CPSF3: variants seen among roughly 807,000 people sequenced by gnomAD.
CPSF3 encodes cleavage and polyadenylation specific factor 3.
A neutral mutation model predicts 84.1 loss-of-function variants in CPSF3; 57 were observed. That is an observed-to-expected ratio of 0.68 (90% CI 0.55 to 0.85). CPSF3 has a LOEUF of 0.85. Among genes scored for constraint, CPSF3 ranks in the 40% least tolerant of loss-of-function variants. The probability of loss-of-function intolerance (pLI) is 0.00; values close to 1 mark genes in which losing one functional copy is unlikely to be tolerated. For missense variants in CPSF3, 522 were observed against 838.8 expected (o/e 0.62, Z 4.66); for synonymous variants, 275 against 278.1 (o/e 0.99, Z 0.11).
chr2:9,436,346 CT>C lies in CPSF3; in HGVS notation c.746del (p.Leu249ArgfsTer3). 1 of 1,608,584 alleles carries C rather than the reference CT, an allele frequency of 6.2e-7. No homozygotes were observed. The highest frequency in any genetic ancestry group is 8.5e-7 in the Non-Finnish European group (1 of 1,178,376). ...CTTTGCTCTTGGAAGGGCTCAGGAG[CT>C]GCTCTTGATTCTAGGTATGCCATTT... ...PVFALGRAQE[L>X]LLILDEYWQN... On this transcript the variant is annotated frameshift_variant, in exon 7 of 18. Transcript: ENST00000238112. LOFTEE classifies it high-confidence loss of function.
At chr2:9,440,465 G>C (rs758971333) in intron 7 of CPSF3, 26 bp from the exon 8 acceptor site, 7 of 1,596,048 alleles carry the variant, frequency 4.4e-6, no homozygotes, top group African/African-American at 1.3e-5. Context: ...ACAAAGTGAT[G>C]TTTGTTTCTT....
At position 9,471,424 on chromosome 2, in the gene CPSF3, T is replaced by C; in HGVS notation, c.1938T>C (p.Leu646=). ...CAGTGGACGGGAAAACTGCCAACCT[T>C]AACTTGGAGACACGGGTATGTAGCT... The part of the protein sequence containing the change: ...SVTVDGKTAN[L]NLETRTVECE... Residue 646 remains leucine (L), a synonymous_variant, in exon 17 of 18, where the codon CTT becomes CTC. Coordinates refer to ENST00000238112, the MANE Select transcript of CPSF3 (RefSeq NM_016207.4). The C allele has an allele frequency of 6.2e-7, 1 of 1,604,010 alleles. No homozygotes were observed. Among genetic ancestry groups the C allele is most frequent in the Non-Finnish European group, 8.5e-7 (1 of 1,170,836 alleles).
In CPSF3 at chr2:9,453,021, A is replaced by G. The variant is rs766236414; in HGVS notation, c.1504A>G (p.Asn502Asp). 1 of 1,562,610 alleles carries G rather than the reference A, an allele frequency of 6.4e-7. No homozygotes were observed. The highest frequency in any genetic ancestry group is 8.7e-7 in the Non-Finnish European group (1 of 1,145,150). The change falls in exon 12 of 18, where the codon AAT becomes GAT. Residue 502 changes from asparagine (N) to aspartate (D), a missense_variant and splice_region_variant. Physicochemically the swap from Asn to Asp is conservative, Grantham distance 23 (BLOSUM62 1). Around this residue, in one of 2 missense-constraint regions of CPSF3, gnomAD observed 193 missense variants for 231.6 expected, o/e 0.83. Coordinates refer to ENST00000238112, the MANE Select transcript of CPSF3 (RefSeq NM_016207.4). ...CATACTTTCTCCTTGCGACCTGTCCAGTAAGTATACTATTAAATGTCAAAT... is the reference window on the plus strand; with the variant it reads ...CATACTTTCTCCTTGCGACCTGTCCGGTAAGTATACTATTAAATGTCAAAT... ...YHILSPCDLS[N>D]YTDLAMSTVK...
chr2:9,465,047 A>G (rs183084987), intron 15 of CPSF3, among the ~76,000 whole-genome samples: 37 of 152,312 alleles, frequency 2.4e-4, no homozygotes, highest in South Asian at 1.7e-3. Context: ...CACGAATTAA[A>G]AAGAATTAGA....
intron 7 of CPSF3, among the ~76,000 whole-genome samples, chr2:9,438,956 T>G (rs1480952095): frequency 6.6e-6 from 1 of 152,156 alleles, no homozygotes; most frequent in Non-Finnish European, 1.5e-5. Context: ...GGCAAATTAT[T>G]TAACTTTTTT....
At position 9,439,472 on chromosome 2, in the gene CPSF3, CA is replaced by C. The variant is rs34127364; in HGVS notation, c.761-1003del. Among the ~76,000 whole-genome samples the C allele has an allele frequency of 2.9e-3, 307 of 104,170 alleles. 1 individual carries two copies. The highest frequency in any genetic ancestry group is 4.7e-3 in the Middle Eastern group (1 of 212). The allele number at this position is 104,170 out of a possible 152,430, so 68.3% of individuals were successfully genotyped here. On this transcript the variant is annotated intron_variant, in intron 7 of 17. Transcript: ENST00000238112. ...TGGGCGACAGAGTGAGACTCCATCTCAAAAAAAAAAAAAAAAGAAATTACAG... is the reference window on the plus strand; with the variant it reads ...TGGGCGACAGAGTGAGACTCCATCTCAAAAAAAAAAAAAAAGAAATTACAG...
At position 9,440,739 on chromosome 2, in the gene CPSF3, G is replaced by A. The variant is rs141284047; in HGVS notation, c.936+73G>A. ...CATTAGTAGTAGGAGGTACGAGGCC[G>A]TGAGTGATGGCTCACAGCTGTAATT... On this transcript the variant is annotated intron_variant, in intron 8 of 17. Coordinates refer to ENST00000238112, the MANE Select transcript of CPSF3 (RefSeq NM_016207.4). The A allele has an allele frequency of 1.6e-4, 232 of 1,435,072 alleles. 1 individual carries two copies. In the African/African-American group the frequency reaches 2.4e-3, roughly 15 times the overall value. 88.9% of individuals were successfully genotyped at this position (1,435,072 alleles called of 1,614,324 possible).
At chr2:9,432,835 C>T (rs752882559) in intron 5 of CPSF3, 147 bp downstream of exon 5, 78 of 587,532 alleles carry the variant, frequency 1.3e-4, no homozygotes, top group Non-Finnish European at 2.0e-4. Context: ...AACGCTTGTT[C>T]CTTTTAAATA....
At chr2:9,468,526 C>T (rs1682048849) in intron 16 of CPSF3, among the ~76,000 whole-genome samples, 3 of 151,640 alleles carry the variant, frequency 2.0e-5, no homozygotes, top group Admixed American at 2.0e-4. Context: ...CCCCATGAAA[C>T]GGTTTAACAA....
chr2:9,432,361 A>C (rs963445233), intron 4 of CPSF3, 150 bp from the exon 5 acceptor site: 1 of 562,802 alleles, frequency 1.8e-6, no homozygotes, highest in Non-Finnish European at 2.7e-6. Flanking sequence ...AAAATACACA[A>C]AATATCTGAG....
chr2:9,468,912 CCCCGTG>C (rs1214066212), intron 16 of CPSF3, among the ~76,000 whole-genome samples: 1 of 152,094 alleles, frequency 6.6e-6, no homozygotes, highest in South Asian at 2.1e-4. Flanking sequence ...AGGTGTGAAC[CCCCGTG>C]CCCGGCCCAC....
In CPSF3 at chr2:9,448,229, C is replaced by A; in HGVS notation, c.1274C>A (p.Ala425Asp). Residue 425 changes from alanine to aspartate, a missense_variant, in exon 11 of 18, where the codon GCC becomes GAC. Ala to Asp is a moderately radical substitution (Grantham distance 126, BLOSUM62 -2). Coordinates refer to ENST00000238112, the MANE Select transcript of CPSF3 (RefSeq NM_016207.4). Reference sequence around the variant, plus strand: ...GTCCATGGAGAACAGAATGAAATGGCCAGATTGAAAGCAGCACTGATTCGA... The same window carrying A: ...GTCCATGGAGAACAGAATGAAATGGACAGATTGAAAGCAGCACTGATTCGA... ...ILVHGEQNEM[A>D]RLKAALIREY... 1 of 1,608,464 alleles carries A rather than the reference C, an allele frequency of 6.2e-7. No homozygotes were observed. Among genetic ancestry groups the A allele is most frequent in the Non-Finnish European group, 8.5e-7 (1 of 1,175,990 alleles).
At chr2:9,450,580 G>C (rs1301837514) in intron 11 of CPSF3, among the ~76,000 whole-genome samples, 1 of 151,968 alleles carries the variant, frequency 6.6e-6, no homozygotes, top group Non-Finnish European at 1.5e-5. Flanking sequence ...CTGAGATCAG[G>C]AGTTCGAGAC....
At chr2:9,432,248 T>C (rs548184255) in intron 4 of CPSF3, among the ~76,000 whole-genome samples, 85 of 152,332 alleles carry the variant, frequency 5.6e-4, no homozygotes, top group African/African-American at 2.0e-3. Context: ...ATTTATTGTA[T>C]GTATTATTGA....
Position 9,455,661 on chromosome 2 carries a change from T to C in CPSF3, c.1507T>C (p.Tyr503His), listed in dbSNP as rs766405400. ...GTCTCTTCTCATTTTCTCTTCAGAT[T>C]ATACTGACCTGGCCATGAGCACGGT... The part of the protein sequence containing the change: ...HILSPCDLSN[Y>H]TDLAMSTVKQ... Residue 503 changes from tyrosine (Y) to histidine (H), a missense_variant and splice_region_variant, in exon 13 of 18, where the codon TAT (tyrosine) becomes CAT (histidine). Physicochemically the swap from Tyr to His is moderately conservative, Grantham distance 83. Transcript: ENST00000238112. 1.9e-6 allele frequency: 3 copies of C among 1,611,252 alleles called. No individual in the cohort carries two copies. In the Admixed American group the frequency reaches 5.0e-5, roughly 27 times the overall value.
chr2:9,423,726 A>T lies in CPSF3; in HGVS notation c.-48A>T, dbSNP rs777029355. 148 of 1,601,150 alleles carry T rather than the reference A, an allele frequency of 9.2e-5. No individual in the cohort carries two copies. The highest frequency in any genetic ancestry group is 1.2e-4 in the Non-Finnish European group (140 of 1,174,688). Reference sequence around the variant, plus strand: ...GTGGCTGTGCTTCCAATTTAGGAAGACCCCGGCGACCTGTTCCTCACCCCC... The same window carrying T: ...GTGGCTGTGCTTCCAATTTAGGAAGTCCCCGGCGACCTGTTCCTCACCCCC... On this transcript the variant is annotated 5_prime_UTR_variant, in exon 1 of 18. Transcript: ENST00000238112.
chr2:9,431,540 C>CTTT lies in CPSF3; in HGVS notation c.341+669_341+671dup, dbSNP rs1198118780. Among the ~76,000 whole-genome samples, 73 of 84,138 alleles carry CTTT rather than the reference C, an allele frequency of 8.7e-4. 2 individuals are homozygous for CTTT. Among genetic ancestry groups the CTTT allele is most frequent in the African/African-American group, 2.6e-3 (50 of 19,036 alleles). The allele number at this position is 84,138 out of a possible 152,430, so 55.2% of individuals were successfully genotyped here. ...AAATAAATATACATATTTTTTTTTT[C>CTTT]TTTTTTTTTTTCTTTTTTTTTTGAG... is the stretch of plus-strand genomic sequence containing the variant. On this transcript the variant is annotated intron_variant, in intron 4 of 17. Transcript: ENST00000238112.
At chr2:9,462,160 G>A (rs1370202023) in intron 15 of CPSF3, among the ~76,000 whole-genome samples, 1 of 152,182 alleles carries the variant, frequency 6.6e-6, no homozygotes, top group East Asian at 1.9e-4. Context: ...ATCACGCCCA[G>A]GGCTTTGGGC....
At chr2:9,466,332 A>ACACG (rs1558466442) in intron 15 of CPSF3, among the ~76,000 whole-genome samples, 4 of 120,556 alleles carry the variant, frequency 3.3e-5, no homozygotes, top group Non-Finnish European at 5.5e-5. Context: ...ACACAGACGC[A>ACACG]CGCACACACG....
Sources: gnomAD v4.1 joint callset for allele counts (sites outside exome capture counted in the v4.1 genomes callset) on GRCh38, gnomAD v4.1.1 for gene constraint, gnomAD v4.1.1 regional missense constraint, MANE v1.5 for transcripts, NCBI Gene and HGNC (gene_info 2026-07-23, HGNC 2026-07-21) for gene names.